The following ZNF596 variants were observed in gnomAD, a reference collection of about 807,000 sequenced individuals.
ZNF596 encodes the protein zinc finger protein 596.
A neutral mutation model predicts 48.3 loss-of-function variants in ZNF596; 45 were observed. The ratio of observed to expected loss-of-function variants is 0.93; its 90% CI spans 0.73 to 1.19. ZNF596 has a LOEUF of 1.19. ZNF596 is among the 50% of genes most tolerant of loss of function. The probability of loss-of-function intolerance (pLI) is 0.00; values close to 1 mark genes in which losing one functional copy is unlikely to be tolerated. For missense variants in ZNF596, 848 were observed against 599.7 expected (o/e 1.41, Z -4.32); for synonymous variants, 270 against 202.0 (o/e 1.34, Z -2.85).
In ZNF596 at chr8:232,513, C is replaced by T; in HGVS notation, c.-254C>T. The T allele has an allele frequency of 3.2e-6, 1 of 313,114 alleles. No individual in the cohort carries two copies. Among genetic ancestry groups the T allele is most frequent in the Admixed American group, 5.1e-5 (1 of 19,544 alleles). 19.4% of individuals were successfully genotyped at this position (313,114 alleles called of 1,614,324 possible). A position where few individuals can be genotyped will look rare whatever the true frequency, so the allele number is the denominator to read the frequency against. ...GGTCTGCTGGTCTCCGCGGATGTCA[C>T]AGGCTCGGCAACCGCCCTCCTGTCG... On this transcript the variant is annotated 5_prime_UTR_variant, in exon 1 of 6. The change creates a premature stop within an existing upstream ORF in the 5' untranslated region. Coordinates refer to ENST00000398612, the MANE Select transcript of ZNF596 (RefSeq NM_001042416.3).
rs1796948663 is a variant in ZNF596 at position 243,781 on chromosome 8, A to C, written c.199A>C (p.Thr67Pro). 1 of 1,613,732 alleles carries C rather than the reference A, an allele frequency of 6.2e-7. No homozygotes were observed. The highest frequency in any genetic ancestry group is 8.5e-7 in the Non-Finnish European group (1 of 1,179,782). The change falls in exon 4 of 6, where the codon ACA becomes CCA. Residue 67 changes from threonine to proline, a missense_variant. Thr to Pro is a conservative substitution (Grantham distance 38). Coordinates refer to ENST00000398612, the MANE Select transcript of ZNF596 (RefSeq NM_001042416.3). ...ATTGGAGCAAGTAGAGAAACTTTCA[A>C]CACAAAGAATAAGCTTACTGCAAGG... ...SQLEQVEKLS[T>P]QRISLLQGRE...
intron 2 of ZNF596, among the ~76,000 whole-genome samples, chr8:242,026 G>A (rs971198415): frequency 6.6e-6 from 1 of 152,112 alleles, no homozygotes; most frequent in African/African-American, 2.4e-5. Flanking sequence ...CCTCCCACCG[G>A]ACCCCTCCCC....
rs142354791 is a variant in ZNF596 at position 246,139 on chromosome 8, C to G, written c.1292C>G (p.Ser431Cys). Residue 431 changes from serine to cysteine, a missense_variant, in exon 6 of 6, where the codon TCT (serine) becomes TGT (cysteine). By Grantham distance (112) the Ser-to-Cys change is moderately radical. Transcript: ENST00000398612. ...CHLCGKAFNHSSVLRRHERTH... is the reference protein window; with the variant it reads ...CHLCGKAFNHCSVLRRHERTH... ...CTATGCGGAAAAGCCTTCAATCACT[C>G]TTCTGTCCTTAGACGACATGAGAGA... 39 of 1,613,030 alleles carry G rather than the reference C, an allele frequency of 2.4e-5. 1 individual carries two copies. Among genetic ancestry groups the G allele is most frequent in the South Asian group, 2.0e-4 (18 of 91,052 alleles).
At position 245,742 on chromosome 8, in the gene ZNF596, A is replaced by G; in HGVS notation, c.895A>G (p.Arg299Gly). ...TTGCTCTGACCTTAGAAAACATGAG[A>G]GAACTCACTTAGGAGATAAACCATA... ...THCSDLRKHE[R>G]THLGDKPYGC... Residue 299 changes from arginine (R) to glycine (G), a missense_variant, in exon 6 of 6, where the codon AGA becomes GGA. Arg to Gly is a moderately radical substitution (Grantham distance 125). Transcript: ENST00000398612. 1 of 1,614,156 alleles carries G rather than the reference A, an allele frequency of 6.2e-7. No individual in the cohort carries two copies. The highest frequency in any genetic ancestry group is 8.5e-7 in the Non-Finnish European group (1 of 1,180,032).
rs1457962310 is a variant in ZNF596 at position 232,556 on chromosome 8, G to A, written c.-211G>A. The A allele has an allele frequency of 3.3e-6, 1 of 302,902 alleles. No individual in the cohort carries two copies. Among genetic ancestry groups the A allele is most frequent in the South Asian group, 2.8e-5 (1 of 36,094 alleles). 18.8% of individuals were successfully genotyped at this position (302,902 alleles called of 1,614,324 possible). On this transcript the variant is annotated 5_prime_UTR_variant, in exon 1 of 6. Transcript: ENST00000398612. ...TCCTGTCGGCGGGGAGTCCCGCGAC[G>A]CCCGGAAATGCTCCGAAGCCTGTCG... is the stretch of plus-strand genomic sequence containing the variant.
chr8:233,231 G>T (rs1485286555), intron 1 of ZNF596: 1 of 421,226 alleles, frequency 2.4e-6, no homozygotes, highest in Non-Finnish European at 5.0e-6. Context: ...ATGGGAATCA[G>T]CAGAGATATG....
Position 245,710 on chromosome 8 carries a change from T to A in ZNF596, c.863T>A (p.Phe288Tyr). ...ATATGCCATCTATGTGGGAAAGCCT[T>A]CACTCATTGCTCTGACCTTAGAAAA... ...AQICHLCGKAFTHCSDLRKHE... is the reference protein window; with the variant it reads ...AQICHLCGKAYTHCSDLRKHE... The change falls in exon 6 of 6, where the codon TTC becomes TAC. Residue 288 changes from phenylalanine to tyrosine, a missense_variant. Transcript: ENST00000398612. 2 of 1,614,170 alleles carry A rather than the reference T, an allele frequency of 1.2e-6. No individual in the cohort carries two copies. Among genetic ancestry groups the A allele is most frequent in the Non-Finnish European group, 1.7e-6 (2 of 1,180,028 alleles).
At position 245,763 on chromosome 8, in the gene ZNF596, C is replaced by T. The variant is rs1797049292; in HGVS notation, c.916C>T (p.Pro306Ser). The change falls in exon 6 of 6, where the codon CCA (proline) becomes TCA (serine). Residue 306 changes from proline (P) to serine (S), a missense_variant. Pro to Ser is a moderately conservative substitution (Grantham distance 74, BLOSUM62 -1). Transcript: ENST00000398612. ...KHERTHLGDK[P>S]YGCLLCGKAF... ...TGAGAGAACTCACTTAGGAGATAAA[C>T]CATATGGATGTCTCCTATGTGGGAA... 6.2e-7 allele frequency: 1 copy of T among 1,614,042 alleles called. No homozygotes were observed. The highest frequency in any genetic ancestry group is 1.1e-5 in the South Asian group (1 of 91,082).
At chr8:235,084 A>G (rs1163014114) in intron 1 of ZNF596, among the ~76,000 whole-genome samples, 4 of 152,230 alleles carry the variant, frequency 2.6e-5, no homozygotes, top group Non-Finnish European at 5.9e-5. Flanking sequence ...ATTAAAAAGA[A>G]AAGTTTAGAA....
chr8:245,972 T>C lies in ZNF596; in HGVS notation c.1125T>C (p.Ser375=), dbSNP rs1563072001. The stretch of plus-strand genomic sequence containing the variant: ...TATGTGGGAAAGCATTCACTGAATC[T>C]TCTGTGCTTAAACGACATGAGAGAA... The part of the protein sequence containing the change: ...CHLCGKAFTE[S]SVLKRHERIH... The change falls in exon 6 of 6, where the codon TCT becomes TCC. Residue 375 remains serine, a synonymous_variant. Transcript: ENST00000398612. The C allele has an allele frequency of 5.6e-6, 9 of 1,613,888 alleles. No individual in the cohort carries two copies. In the Admixed American group the frequency reaches 1.5e-4, roughly 27 times the overall value.
intron 2 of ZNF596, among the ~76,000 whole-genome samples, chr8:241,927 A>T (rs1796868926): frequency 6.6e-6 from 1 of 152,190 alleles, no homozygotes; most frequent in South Asian, 2.1e-4. Flanking sequence ...CAAATCAGGA[A>T]ATGCCACACA....
intron 1 of ZNF596, among the ~76,000 whole-genome samples, chr8:239,063 AAGAAC>A (rs757166094): frequency 4.2e-4 from 64 of 152,186 alleles, no homozygotes; most frequent in Non-Finnish European, 8.1e-4. Flanking sequence ...AAGCAGAAGA[AAGAAC>A]CAGTGAACTC....
intron 1 of ZNF596, 148 bp from the exon 2 acceptor site, chr8:240,676 C>G (rs1046857826): frequency 7.2e-5 from 42 of 580,490 alleles, no homozygotes; most frequent in African/African-American, 7.1e-4. Flanking sequence ...TTCTTCTGAC[C>G]CTGGGAGAGG....
upstream of ZNF596, chr8:232,284 TGCCCGAGACCCCGCCCCG>T (rs889111382): frequency 1.8e-5 from 3 of 165,244 alleles, no homozygotes; most frequent in African/African-American, 7.3e-5. Flanking sequence ...TCCCCGCCCC[TGCCCGAGACCCCGCCCCG>T]GCCCGGCCCC....
rs772203625 is a variant in ZNF596 at position 246,379 on chromosome 8, C to T, written c.*17C>T. ...AATATGTAAGAATCATCAGCTGTAG[C>T]GTTAACACTAAATACACCAAGGACA... On this transcript the variant is annotated 3_prime_UTR_variant, in exon 6 of 6. Transcript: ENST00000398612. The T allele has an allele frequency of 3.7e-5, 58 of 1,555,074 alleles. No individual in the cohort carries two copies. The South Asian group carries it at 5.0e-4, about 14-fold the overall frequency.
rs767046333 is a variant in ZNF596 at position 244,594 on chromosome 8, A to G, written c.224-25A>G. ...TTTATTCCCCTAATGCCTATATAGC[A>G]TCTTTTTTTTTTCATTTATTTCAGG... On this transcript the variant is annotated intron_variant, in intron 4 of 5. Transcript: ENST00000398612. 74 of 1,528,810 alleles carry G rather than the reference A, an allele frequency of 4.8e-5. No homozygotes were observed. In the African/African-American group the frequency reaches 1.0e-3, roughly 21 times the overall value. The allele number at this position is 1,528,810 out of a possible 1,614,324, so 94.7% of individuals were successfully genotyped here.
At chr8:232,970 G>A in intron 1 of ZNF596, 1 of 468,884 alleles carries the variant, frequency 2.1e-6, no homozygotes, top group Non-Finnish European at 4.4e-6. Context: ...ACTGTTGGGT[G>A]TTTACCTTCC....
At chr8:243,304 T>C (rs1278829481) in intron 3 of ZNF596, 2 of 300,296 alleles carry the variant, frequency 6.7e-6, no homozygotes, top group East Asian at 6.1e-5. Flanking sequence ...TTCACTGCTT[T>C]GGTATGCATA....
intron 1 of ZNF596, among the ~76,000 whole-genome samples, chr8:239,096 A>T (rs1382653935): frequency 1.3e-5 from 2 of 152,190 alleles, no homozygotes; most frequent in East Asian, 1.9e-4. Flanking sequence ...GGTTATTTGA[A>T]ATTATTCAAT....
Sources: allele counts gnomAD v4.1 joint callset (sites outside exome capture counted in the v4.1 genomes callset), GRCh38; gene constraint gnomAD v4.1.1; transcripts MANE v1.5; gene names NCBI Gene and HGNC (gene_info 2026-07-23, HGNC 2026-07-21).